Variants in SSH2 observed in about 807,000 individuals in gnomAD.
SSH2 encodes protein phosphatase Slingshot homolog 2.
Under a neutral mutation model 135.2 loss-of-function variants are expected in SSH2, and 37 were observed. The ratio of observed to expected loss-of-function variants is 0.27; its 90% CI spans 0.21 to 0.36. The LOEUF is 0.36. Ranked by LOEUF, SSH2 falls within the 10% of genes least tolerant of loss-of-function variation. SSH2 has a pLI of 1.00. For missense variants in SSH2, 1,408 were observed against 1,765.3 expected (o/e 0.80, Z 3.63); for synonymous variants, 628 against 646.2 (o/e 0.97, Z 0.43).
chr17:29,761,215 A>G (rs1484272452), intron 3 of SSH2: 10 of 1,288,354 alleles, frequency 7.8e-6, no homozygotes, highest in Non-Finnish European at 9.1e-6. Flanking sequence ...TGTCGGGGCC[A>G]CCGAGGCTGC....
At chr17:29,761,366 G>A (rs1404340413) in intron 3 of SSH2, 1 of 1,073,466 alleles carries the variant, frequency 9.3e-7, no homozygotes, top group Admixed American at 5.9e-5. Flanking sequence ...CGGCGGCGGA[G>A]GCGGGCCCGC....
Position 29,929,970 on chromosome 17 carries a change from T to C in SSH2, c.31A>G (p.Thr11Ala). The C allele has an allele frequency of 1.2e-6, 2 of 1,601,844 alleles. No homozygotes were observed. Among genetic ancestry groups the C allele is most frequent in the South Asian group, 1.1e-5 (1 of 88,798 alleles). Residue 11 changes from threonine (T) to alanine (A), a missense_variant, in exon 1 of 16, where the codon ACC (threonine) becomes GCC (alanine). By Grantham distance (58) the Thr-to-Ala change is moderately conservative (BLOSUM62 0). Coordinates refer to ENST00000540801, the MANE Select transcript of SSH2 (RefSeq NM_001282129.2). Reference sequence around the variant, plus strand: ...CAGGGGCTGGAGGTGGTGCTGGGGGTAGGTGACCGCTGGACCGTGACCAAA... The same window carrying C: ...CAGGGGCTGGAGGTGGTGCTGGGGGCAGGTGACCGCTGGACCGTGACCAAA... The part of the protein sequence containing the change: MALVTVQRSP[T>A]PSTTSSPCAS...
At chr17:29,872,592 CA>C in intron 1 of SSH2, among the ~76,000 whole-genome samples, 1 of 151,604 alleles carries the variant, frequency 6.6e-6, no homozygotes, top group East Asian at 1.9e-4. Context: ...CCCATCTCTA[CA>C]AAAATAAAAA....
chr17:29,641,240 T>G lies in SSH2; in HGVS notation c.1428-4438A>C, dbSNP rs2036147649. On this transcript the variant is annotated intron_variant, in intron 14 of 15. Transcript: ENST00000540801. Reference sequence around the variant, plus strand: ...CATGTTTTAGTCGGTTACACTAAACTGTTTTTTTCCAATGAAGCTTTGTCC... The same window carrying G: ...CATGTTTTAGTCGGTTACACTAAACGGTTTTTTTCCAATGAAGCTTTGTCC... 2.0e-5 allele frequency among the ~76,000 whole-genome samples: 3 copies of G among 152,276 alleles called. No individual in the cohort carries two copies. The South Asian group carries it at 6.2e-4, about 32-fold the overall frequency.
Position 29,906,292 on chromosome 17 carries a change from G to A in SSH2, c.63+23646C>T, listed in dbSNP as rs143245879. On this transcript the variant is annotated intron_variant, in intron 1 of 15. Coordinates refer to ENST00000540801, the MANE Select transcript of SSH2 (RefSeq NM_001282129.2). The stretch of plus-strand genomic sequence containing the variant: ...ACTTCCTAGTTAATAAATGGTGCTG[G>A]AAGAACTGGCTAGCCATATGCAGGA... Among the ~76,000 whole-genome samples, 93 of 152,274 alleles carry A rather than the reference G, an allele frequency of 6.1e-4. 1 individual carries two copies. In the East Asian group the frequency reaches 0.016, roughly 26 times the overall value.
At chr17:29,819,435 T>G (rs928189405) in intron 2 of SSH2, among the ~76,000 whole-genome samples, 1 of 152,082 alleles carries the variant, frequency 6.6e-6, no homozygotes, top group Admixed American at 6.5e-5. Context: ...CAAAACTATT[T>G]TGTATAAAAT....
intron 1 of SSH2, among the ~76,000 whole-genome samples, chr17:29,913,092 C>T (rs1412493464): frequency 1.1e-4 from 16 of 150,476 alleles, no homozygotes; most frequent in African/African-American, 7.3e-5. Context: ...CTGAGGCAGA[C>T]GGATCACCTA....
intron 2 of SSH2, among the ~76,000 whole-genome samples, chr17:29,811,120 C>T (rs916255880): frequency 2.0e-5 from 3 of 152,102 alleles, no homozygotes; most frequent in East Asian, 1.9e-4. Context: ...TTCAGCCTCC[C>T]GAGTAGCTGC....
chr17:29,766,020 CAAA>C (rs56037567), intron 3 of SSH2, among the ~76,000 whole-genome samples: 4 of 100,580 alleles, frequency 4.0e-5, no homozygotes, highest in Admixed American at 1.2e-4. Flanking sequence ...ACTCCGTCTC[CAAA>C]AAAAAAAAAA....
chr17:29,700,828 C>T lies in SSH2; in HGVS notation c.292+2131G>A, dbSNP rs188470667. ...TTTTTGAGATGGAGTCTCATTCTGT[C>T]GCCCAGGCTGGAGGGTAGCAGCGCA... On this transcript the variant is annotated intron_variant, in intron 4 of 15. Coordinates refer to ENST00000540801, the MANE Select transcript of SSH2 (RefSeq NM_001282129.2). 2.0e-3 allele frequency among the ~76,000 whole-genome samples: 306 copies of T among 152,260 alleles called. 1 individual carries two copies. Among genetic ancestry groups the T allele is most frequent in the African/African-American group, 7.1e-3 (295 of 41,548 alleles).
intron 1 of SSH2, chr17:29,856,039 A>T: frequency 2.6e-6 from 1 of 386,234 alleles, no homozygotes; most frequent in South Asian, 2.0e-5. Flanking sequence ...AGGTCTGTGC[A>T]TACTCCTTTC....
At chr17:29,733,639 A>C (rs1369932207) in intron 3 of SSH2, among the ~76,000 whole-genome samples, 1 of 152,244 alleles carries the variant, frequency 6.6e-6, no homozygotes, top group African/African-American at 2.4e-5. Flanking sequence ...GTTACCAAAC[A>C]GAAACTTAAC....
rs569936266 is a variant in SSH2 at position 29,646,740 on chromosome 17, C to T, written c.1427+1404G>A. Among the ~76,000 whole-genome samples the T allele has an allele frequency of 1.5e-4, 23 of 151,882 alleles. 1 individual carries two copies. The South Asian group carries it at 3.8e-3, about 25-fold the overall frequency. Reference sequence around the variant, plus strand: ...GTCTCAAACTCCCGACCTTGTGATCCGCCCGCCTCAGCCTCCCAAGGTGCT... The same window carrying T: ...GTCTCAAACTCCCGACCTTGTGATCTGCCCGCCTCAGCCTCCCAAGGTGCT... On this transcript the variant is annotated intron_variant, in intron 14 of 15. Coordinates refer to ENST00000540801, the MANE Select transcript of SSH2 (RefSeq NM_001282129.2).
chr17:29,644,459 A>C (rs1219942082), intron 14 of SSH2, among the ~76,000 whole-genome samples: 1 of 152,180 alleles, frequency 6.6e-6, no homozygotes, highest in Non-Finnish European at 1.5e-5. Context: ...AGCCCTGCTG[A>C]TACAAGTCCC....
intron 2 of SSH2, 50 bp from the exon 3 acceptor site, chr17:29,793,987 C>G: frequency 7.8e-7 from 1 of 1,279,264 alleles, no homozygotes; most frequent in Non-Finnish European, 1.1e-6. Context: ...GGTTTCATAT[C>G]ATAATATCAC....
chr17:29,849,486 A>AG (rs1274868099), intron 1 of SSH2, among the ~76,000 whole-genome samples: 1 of 151,634 alleles, frequency 6.6e-6, no homozygotes, highest in Non-Finnish European at 1.5e-5. Context: ...CTCAAAAAAA[A>AG]AAAAAAAAAA....
At chr17:29,640,147 C>T (rs548076566) in intron 14 of SSH2, among the ~76,000 whole-genome samples, 1 of 151,110 alleles carries the variant, frequency 6.6e-6, no homozygotes, top group Admixed American at 6.6e-5. Context: ...GGCGCGATCT[C>T]GGCTCACTGC....
At chr17:29,742,319 CTTT>C (rs891136307) in intron 3 of SSH2, among the ~76,000 whole-genome samples, 18 of 129,678 alleles carry the variant, frequency 1.4e-4, no homozygotes, top group Non-Finnish European at 1.7e-4. Flanking sequence ...GCAAGTTCTT[CTTT>C]TTTTTTTTTT....
intron 1 of SSH2, among the ~76,000 whole-genome samples, chr17:29,926,722 T>C (rs2067073718): frequency 6.6e-6 from 1 of 152,186 alleles, no homozygotes; most frequent in Admixed American, 6.5e-5. Context: ...TACTGTCCCA[T>C]ACAAATCCTT....
Sources: allele counts gnomAD v4.1 joint callset (sites outside exome capture counted in the v4.1 genomes callset), GRCh38; gene constraint gnomAD v4.1.1; transcripts MANE v1.5; gene names NCBI Gene and HGNC (gene_info 2026-07-23, HGNC 2026-07-21).